EDIL3: variants seen among roughly 807,000 people sequenced by gnomAD.
EDIL3 encodes the protein EGF like and discoidin domains 3, also known as EGF-like repeat and discoidin I-like domain-containing protein 3.
Under a neutral mutation model 67.4 loss-of-function variants are expected in EDIL3, and 37 were observed. The ratio of observed to expected loss-of-function variants is 0.55; its 90% CI spans 0.42 to 0.72. The LOEUF is 0.72. Ranked by LOEUF, EDIL3 falls within the 30% of genes least tolerant of loss-of-function variation. The pLI, the probability that EDIL3 is intolerant of heterozygous loss-of-function variation, is 0.00. For missense variants in EDIL3, 527 were observed against 586.3 expected (o/e 0.90, Z 1.04); for synonymous variants, 195 against 196.3 (o/e 0.99, Z 0.05).
intron 9 of EDIL3, chr5:84,048,085 C>T (rs576913431): frequency 3.2e-4 from 85 of 267,754 alleles, no homozygotes; most frequent in Non-Finnish European, 4.8e-4. Flanking sequence ...TATAGAAGAA[C>T]GGAAGCTGTC....
intron 9 of EDIL3, among the ~76,000 whole-genome samples, chr5:83,974,946 CT>C (rs2112142300): frequency 6.6e-6 from 1 of 151,962 alleles, no homozygotes; most frequent in Admixed American, 6.6e-5. Context: ...TTACCAAGGT[CT>C]TTTGAGCTTA....
intron 9 of EDIL3, among the ~76,000 whole-genome samples, chr5:84,001,382 T>C (rs1432197007): frequency 6.6e-6 from 1 of 151,768 alleles, no homozygotes; most frequent in African/African-American, 2.4e-5. Flanking sequence ...ATAAACAACC[T>C]AAAAATGCTT....
intron 4 of EDIL3, among the ~76,000 whole-genome samples, chr5:84,146,895 T>G (rs73769745): frequency 0.038 from 5,853 of 152,090 alleles, 306 homozygotes; most frequent in African/African-American, 0.12. Context: ...CATATATACT[T>G]AAAAGGACAC....
intron 9 of EDIL3, among the ~76,000 whole-genome samples, chr5:84,012,051 G>T (rs1003782819): frequency 2.0e-5 from 3 of 152,030 alleles, no homozygotes; most frequent in African/African-American, 4.8e-5. Context: ...AATGATTCTT[G>T]TTACATGGAA....
At chr5:84,043,058 G>T (rs566435617) in intron 9 of EDIL3, among the ~76,000 whole-genome samples, 1 of 152,178 alleles carries the variant, frequency 6.6e-6, no homozygotes, top group South Asian at 2.1e-4. Flanking sequence ...AAGTAGTAGC[G>T]ATGATCCTCT....
intron 1 of EDIL3, among the ~76,000 whole-genome samples, chr5:84,291,798 CAT>C (rs1206607687): frequency 6.8e-6 from 1 of 146,312 alleles, no homozygotes; most frequent in African/African-American, 2.5e-5. Flanking sequence ...TATACACACA[CAT>C]ATATATACAC....
At chr5:84,266,368 C>G (rs1038124364) in intron 1 of EDIL3, among the ~76,000 whole-genome samples, 1 of 152,152 alleles carries the variant, frequency 6.6e-6, no homozygotes, top group African/African-American at 2.4e-5. Flanking sequence ...TTATGCAGCT[C>G]TAACCCAAAG....
chr5:84,150,989 A>T (rs1748379074), intron 4 of EDIL3, among the ~76,000 whole-genome samples: 1 of 152,148 alleles, frequency 6.6e-6, no homozygotes, highest in Non-Finnish European at 1.5e-5. Context: ...CACAGAAAGT[A>T]AATCAGTGAT....
intron 1 of EDIL3, among the ~76,000 whole-genome samples, chr5:84,346,882 CA>C (rs1396310759): frequency 6.6e-6 from 1 of 152,184 alleles, no homozygotes; most frequent in African/African-American, 2.4e-5. Context: ...GACTGAGACT[CA>C]ATCCTGATGG....
intron 1 of EDIL3, among the ~76,000 whole-genome samples, chr5:84,327,037 T>A (rs1746773866): frequency 6.6e-6 from 1 of 152,154 alleles, no homozygotes; most frequent in South Asian, 2.1e-4. Flanking sequence ...GATGCTTTCA[T>A]ATATGTATAC....
intron 1 of EDIL3, among the ~76,000 whole-genome samples, chr5:84,300,417 C>A (rs1746135047): frequency 6.6e-6 from 1 of 152,096 alleles, no homozygotes; most frequent in Admixed American, 6.5e-5. Flanking sequence ...TGTCTTTTGA[C>A]AAAGGAAATA....
intron 9 of EDIL3, among the ~76,000 whole-genome samples, chr5:84,020,128 G>A (rs376801268): frequency 2.8e-4 from 42 of 148,110 alleles, no homozygotes; most frequent in African/African-American, 9.9e-4. Flanking sequence ...CTAATCTTAT[G>A]CAAATCCTCC....
chr5:84,307,747 T>C (rs762561966), intron 1 of EDIL3, among the ~76,000 whole-genome samples: 54 of 151,404 alleles, frequency 3.6e-4, no homozygotes, highest in Non-Finnish European at 1.3e-4. Flanking sequence ...AAGAGAGATA[T>C]AAAAAATACA....
intron 9 of EDIL3, among the ~76,000 whole-genome samples, chr5:84,031,489 T>A (rs920674755): frequency 1.3e-5 from 2 of 152,190 alleles, no homozygotes; most frequent in African/African-American, 4.8e-5. Context: ...TATCACCAGA[T>A]GTTAAGGACT....
At chr5:84,123,676 T>C (rs1747816753) in intron 5 of EDIL3, among the ~76,000 whole-genome samples, 1 of 151,946 alleles carries the variant, frequency 6.6e-6, no homozygotes, top group African/African-American at 2.4e-5. Flanking sequence ...AGGTTTTTAC[T>C]TCTCTCTAGT....
chr5:84,182,689 G>A (rs1299508969), intron 3 of EDIL3, among the ~76,000 whole-genome samples: 1 of 152,160 alleles, frequency 6.6e-6, no homozygotes, highest in African/African-American at 2.4e-5. Context: ...TTCAACGGTT[G>A]TGGAGTCTAA....
At chr5:83,953,949 A>G (rs541328720) in intron 10 of EDIL3, among the ~76,000 whole-genome samples, 2 of 151,976 alleles carry the variant, frequency 1.3e-5, no homozygotes, top group East Asian at 3.9e-4. Context: ...TTAACTTTAT[A>G]GGGAGTGGCA....
At chr5:84,349,285 C>G (rs2112186849) in intron 1 of EDIL3, among the ~76,000 whole-genome samples, 1 of 152,226 alleles carries the variant, frequency 6.6e-6, no homozygotes, top group African/African-American at 2.4e-5. Flanking sequence ...AATAGCCGTT[C>G]CATGTGTGTT....
At chr5:84,051,540 C>G (rs1746339386) in intron 9 of EDIL3, among the ~76,000 whole-genome samples, 2 of 152,054 alleles carry the variant, frequency 1.3e-5, no homozygotes, top group African/African-American at 4.8e-5. Context: ...GAACCCATTG[C>G]AAAGAAGCTA....
Sources: allele counts gnomAD v4.1 joint callset (sites outside exome capture counted in the v4.1 genomes callset), GRCh38; gene constraint gnomAD v4.1.1; transcripts MANE v1.5; gene names NCBI Gene and HGNC (gene_info 2026-07-23, HGNC 2026-07-21).